The following PRDM10 variants were observed in gnomAD, a reference collection of about 807,000 sequenced individuals.
The protein encoded by PRDM10 is PR/SET domain 10.
A neutral mutation model predicts 133.1 loss-of-function variants in PRDM10; 65 were observed. The ratio of observed to expected loss-of-function variants is 0.49; its 90% CI spans 0.40 to 0.60. The LOEUF (loss-of-function observed/expected upper bound fraction) is 0.60, where lower values mean the gene tolerates loss of function less well. Ranked by LOEUF, PRDM10 falls within the 20% of genes least tolerant of loss-of-function variation. The probability of loss-of-function intolerance (pLI) is 0.00; values close to 1 mark genes in which losing one functional copy is unlikely to be tolerated. For missense variants in PRDM10, 1,137 were observed against 1,507.1 expected (o/e 0.75, Z 4.07); for synonymous variants, 582 against 580.4 (o/e 1.00, Z -0.04).
At chr11:129,925,393 A>G (rs1214314962) in intron 11 of PRDM10, among the ~76,000 whole-genome samples, 164 bp from the exon 12 acceptor site, 1 of 152,236 alleles carries the variant, frequency 6.6e-6, no homozygotes, top group Admixed American at 6.5e-5. Flanking sequence ...TGGTGAAGAC[A>G]CTGAAAATGA....
chr11:129,915,600 CCTT>C, intron 16 of PRDM10, 57 bp downstream of exon 16: 2 of 1,504,498 alleles, frequency 1.3e-6, no homozygotes, highest in Non-Finnish European at 1.8e-6. Context: ...AGCCACCTTT[CCTT>C]AAGAGATTCC....
chr11:129,934,159 T>C (rs538106757), intron 9 of PRDM10, among the ~76,000 whole-genome samples: 5 of 152,360 alleles, frequency 3.3e-5, no homozygotes, highest in African/African-American at 1.2e-4. Flanking sequence ...CACAACCCTG[T>C]GTAATTCAAT....
intron 2 of PRDM10, among the ~76,000 whole-genome samples, chr11:129,958,894 GT>G (rs1365102431): frequency 2.0e-5 from 3 of 152,184 alleles, no homozygotes; most frequent in African/African-American, 7.2e-5. Flanking sequence ...CAGAAATGAA[GT>G]TTTGTAAAAC....
rs556938135 is a variant in PRDM10, at chr11:129,903,894, G to T, written c.3268-1378C>A. Among the ~76,000 whole-genome samples the T allele has an allele frequency of 4.6e-5, 7 of 152,288 alleles. No homozygotes were observed. In the East Asian group the frequency reaches 1.4e-3, roughly 29 times the overall value. ...CCCCAAAAATGGACATTAAATTAGT[G>T]TGCACATACACTGTGGCAGGGGGAG... On this transcript the variant is annotated intron_variant, in intron 20 of 20. Transcript: ENST00000360871.
At chr11:129,925,613 G>A (rs1052067534) in intron 11 of PRDM10, among the ~76,000 whole-genome samples, 2 of 152,134 alleles carry the variant, frequency 1.3e-5, no homozygotes, top group Non-Finnish European at 2.9e-5. Context: ...ACACATGCAG[G>A]AATCAGGCTG....
Position 129,919,000 on chromosome 11 carries a change from G to A in PRDM10, c.2035-282C>T, listed in dbSNP as rs1296508289. Among the ~76,000 whole-genome samples the A allele has an allele frequency of 6.6e-6, 1 of 152,178 alleles. No homozygotes were observed. The highest frequency in any genetic ancestry group is 1.5e-5 in the Non-Finnish European group (1 of 68,040). ...ATAAAGACTGTGCATTTATGTAGAGGAGATTAAAGAGAACACGGAACAAGC... is the reference window on the plus strand; with the variant it reads ...ATAAAGACTGTGCATTTATGTAGAGAAGATTAAAGAGAACACGGAACAAGC... On this transcript the variant is annotated intron_variant, in intron 13 of 20. Coordinates refer to ENST00000360871, the MANE Select transcript of PRDM10 (RefSeq NM_199437.2). The surrounding 1 kb of genome is among the most constrained non-coding windows in gnomAD (Gnocchi z 5.3).
intron 1 of PRDM10, among the ~76,000 whole-genome samples, chr11:129,990,547 C>G (rs978652400): frequency 2.3e-5 from 3 of 131,246 alleles, no homozygotes; most frequent in Non-Finnish European, 4.8e-5. Context: ...AAAAAAAAAG[C>G]AAATTGATAC....
chr11:129,961,451 C>T (rs1452123856), intron 1 of PRDM10, among the ~76,000 whole-genome samples: 1 of 152,096 alleles, frequency 6.6e-6, no homozygotes, highest in Non-Finnish European at 1.5e-5. Flanking sequence ...ACTACGGGCA[C>T]GAGCAACCAT....
intron 1 of PRDM10, among the ~76,000 whole-genome samples, chr11:129,963,556 T>TTTCTTCACTCCA (rs1951846076): frequency 6.6e-6 from 1 of 152,168 alleles, no homozygotes; most frequent in Admixed American, 6.5e-5. Context: ...AGAATTCCTG[T>TTTCTTCACTCCA]GTTTCTTCAC....
At chr11:129,981,071 A>G (rs1938084396) in intron 1 of PRDM10, among the ~76,000 whole-genome samples, 1 of 151,934 alleles carries the variant, frequency 6.6e-6, no homozygotes, top group Non-Finnish European at 1.5e-5. Context: ...GGGTTTCACC[A>G]TATTGGTCAG....
At chr11:129,984,527 C>T (rs1278105032) in intron 1 of PRDM10, among the ~76,000 whole-genome samples, 1 of 152,088 alleles carries the variant, frequency 6.6e-6, no homozygotes, top group Non-Finnish European at 1.5e-5. Context: ...CCTCGGCCCA[C>T]CCTACTCGGG....
intron 1 of PRDM10, among the ~76,000 whole-genome samples, chr11:129,965,959 A>G (rs1311210429): frequency 1.3e-5 from 2 of 152,046 alleles, no homozygotes; most frequent in African/African-American, 4.8e-5. Flanking sequence ...AATCCAAATT[A>G]CCAGCCGGGC....
intron 13 of PRDM10, among the ~76,000 whole-genome samples, chr11:129,921,772 G>A (rs186444972): frequency 2.0e-5 from 3 of 152,318 alleles, no homozygotes; most frequent in East Asian, 1.9e-4. Context: ...AAGCAGCTCC[G>A]TGCTGCTCTA....
chr11:129,957,673 T>G (rs1052956954), intron 3 of PRDM10, 73 bp downstream of exon 3: 1 of 1,531,492 alleles, frequency 6.5e-7, no homozygotes, highest in African/African-American at 1.4e-5. Context: ...GCACAATGAC[T>G]GACAGAAAGT....
At chr11:129,981,018 C>T (rs1424394124) in intron 1 of PRDM10, among the ~76,000 whole-genome samples, 2 of 151,560 alleles carry the variant, frequency 1.3e-5, no homozygotes, top group Admixed American at 6.6e-5. Context: ...ATTACAGGCA[C>T]GCACCACTAG....
intron 11 of PRDM10, among the ~76,000 whole-genome samples, chr11:129,926,987 C>G (rs1474404312): frequency 6.6e-6 from 1 of 152,100 alleles, no homozygotes; most frequent in Non-Finnish European, 1.5e-5. Context: ...GGACAGATCA[C>G]CTGAGGTCAG....
chr11:129,937,567 T>C (rs78356561), intron 8 of PRDM10, 31 bp downstream of exon 8: 42,328 of 1,590,830 alleles, frequency 0.027, 789 homozygotes, highest in Admixed American at 0.074. Flanking sequence ...AGAATTCATA[T>C]AGAAAATGTA....
Position 129,910,517 on chromosome 11 carries a change from T to C in PRDM10, c.3122A>G (p.His1041Arg), listed in dbSNP as rs751925955. 1.2e-6 allele frequency: 2 copies of C among 1,614,026 alleles called. No individual in the cohort carries two copies. Among genetic ancestry groups the C allele is most frequent in the Non-Finnish European group, 8.5e-7 (1 of 1,180,026 alleles). Reference protein sequence around the residue: ...QQQQQNSSVQHTYLPSAWNSF... With the variant: ...QQQQQNSSVQRTYLPSAWNSF... ...ATTCCAAGCACTGGGCAGGTACGTG[T>C]GCTGCACAGAGGAATTCTGCTGCTG... Residue 1041 changes from histidine to arginine, a missense_variant, in exon 19 of 21, where the codon CAC (histidine) becomes CGC (arginine). Physicochemically the swap from His to Arg is conservative, Grantham distance 29. Around this residue, in one of 6 missense-constraint regions of PRDM10, gnomAD observed 243 missense variants for 259.2 expected, o/e 0.94. Coordinates refer to ENST00000360871, the MANE Select transcript of PRDM10 (RefSeq NM_199437.2).
chr11:130,001,670 T>C lies in PRDM10; in HGVS notation c.-119+1052A>G, dbSNP rs140161341. Among the ~76,000 whole-genome samples the C allele has an allele frequency of 1.8e-3, 279 of 152,336 alleles. 1 individual carries two copies. The highest frequency in any genetic ancestry group is 0.01 in the Middle Eastern group (3 of 294). ...CAAATTCAACAGCGCTGCGTTCGCG[T>C]GGCTGGAGGGCAGACGGGGAATATT... is the stretch of plus-strand genomic sequence containing the variant. On this transcript the variant is annotated intron_variant, in intron 1 of 20. Coordinates refer to ENST00000360871, the MANE Select transcript of PRDM10 (RefSeq NM_199437.2).
Sources: allele counts gnomAD v4.1 joint callset (sites outside exome capture counted in the v4.1 genomes callset), GRCh38; gene constraint gnomAD v4.1.1; regional missense constraint gnomAD v4.1.1; non-coding constraint Gnocchi (gnomAD v3.1); transcripts MANE v1.5; gene names NCBI Gene and HGNC (gene_info 2026-07-23, HGNC 2026-07-21).